The following PHLPP2 variants were observed in gnomAD, a reference collection of about 807,000 sequenced individuals.
The protein encoded by PHLPP2 is PH domain leucine-rich repeat-containing protein phosphatase 2.
Under a neutral mutation model 124.9 loss-of-function variants are expected in PHLPP2, and 66 were observed. That is an observed-to-expected ratio of 0.53 (90% CI 0.43 to 0.65). PHLPP2 has a LOEUF of 0.65. Among genes scored for constraint, PHLPP2 ranks in the 30% least tolerant of loss-of-function variants. PHLPP2 has a pLI of 0.00. For synonymous variants in PHLPP2, 681 were observed against 624.7 expected, an observed-to-expected ratio of 1.09 and a Z score of -1.34; for missense variants, 1,685 against 1,600.4, an observed-to-expected ratio of 1.05 and a Z score of -0.90.
At chr16:71,684,453 C>A in intron 5 of PHLPP2, 23 bp downstream of exon 5, 1 of 1,612,958 alleles carries the variant, frequency 6.2e-7, no homozygotes, top group Non-Finnish European at 8.5e-7. Context: ...ATCTCCACAT[C>A]AGAACATCCC....
In PHLPP2 at chr16:71,702,585, G is replaced by C. The variant is rs745519902; in HGVS notation, c.418+13C>G. ...AAAGTAGTTAACATACAAAGCCACT[G>C]ATAAATTCTTACCACCATAAAATCG... On this transcript the variant is annotated intron_variant, in intron 3 of 18. Transcript: ENST00000568954. 12 of 1,604,546 alleles carry C rather than the reference G, an allele frequency of 7.5e-6. No individual in the cohort carries two copies. The South Asian group carries it at 1.3e-4, about 18-fold the overall frequency.
chr16:71,684,279 C>G (rs2045031792), intron 5 of PHLPP2, among the ~76,000 whole-genome samples, 197 bp downstream of exon 5: 1 of 151,592 alleles, frequency 6.6e-6, no homozygotes, highest in African/African-American at 2.4e-5. Flanking sequence ...GTGCATGCCA[C>G]CACACCCAGC....
At chr16:71,714,067 C>G (rs989381584) in intron 2 of PHLPP2, among the ~76,000 whole-genome samples, 3 of 151,432 alleles carry the variant, frequency 2.0e-5, no homozygotes, top group Non-Finnish European at 4.4e-5. Context: ...AGCCTCCTGA[C>G]TAGCTGGGAT....
chr16:71,684,125 CTTTTTTTTT>C (rs397816254), intron 5 of PHLPP2, among the ~76,000 whole-genome samples: 1 of 118,842 alleles, frequency 8.4e-6, no homozygotes, highest in South Asian at 2.8e-4. Context: ...TTGAGGTACT[CTTTTTTTTT>C]TTTTTTTTTT....
At chr16:71,698,664 C>A in intron 3 of PHLPP2, 1 of 541,566 alleles carries the variant, frequency 1.8e-6, no homozygotes, top group East Asian at 4.0e-5. Flanking sequence ...ACTGGGCCTC[C>A]CTGAGGAAAG....
intron 14 of PHLPP2, 73 bp from the exon 15 acceptor site, chr16:71,658,436 T>C: frequency 7.2e-7 from 1 of 1,382,148 alleles, no homozygotes; most frequent in Non-Finnish European, 1.0e-6. Context: ...GTGTCCAATC[T>C]CTTACTATAT....
intron 2 of PHLPP2, among the ~76,000 whole-genome samples, chr16:71,704,992 C>T (rs2145371752): frequency 6.6e-6 from 1 of 152,262 alleles, no homozygotes; most frequent in East Asian, 1.9e-4. Context: ...TAACTCTGTA[C>T]TGCTCCAAAG....
intron 2 of PHLPP2, among the ~76,000 whole-genome samples, chr16:71,703,758 AC>A (rs1263599082): frequency 6.6e-6 from 1 of 152,146 alleles, no homozygotes; most frequent in African/African-American, 2.4e-5. Flanking sequence ...ACAATACCTA[AC>A]TCATAAGATG....
At chr16:71,713,769 C>A (rs968303661) in intron 2 of PHLPP2, among the ~76,000 whole-genome samples, 1 of 151,924 alleles carries the variant, frequency 6.6e-6, no homozygotes, top group African/African-American at 2.4e-5. Flanking sequence ...CGCATGGGCA[C>A]ATATATGCTT....
At chr16:71,687,403 T>C (rs1306279823) in intron 4 of PHLPP2, among the ~76,000 whole-genome samples, 1 of 152,232 alleles carries the variant, frequency 6.6e-6, no homozygotes, top group Non-Finnish European at 1.5e-5. Context: ...GATGAGTATA[T>C]ATTCTTTCAT....
Position 71,649,380 on chromosome 16 carries a change from T to C in PHLPP2, c.3482A>G (p.Asn1161Ser). The change falls in exon 19 of 19, where the codon AAT becomes AGT. Residue 1161 changes from asparagine (N) to serine (S), a missense_variant. Physicochemically the swap from Asn to Ser is conservative, Grantham distance 46. Transcript: ENST00000568954. ...DDQPVEGVIT[N>S]GSKVEVEVDI... ...TACTTCCACCTCTACCTTGCTGCCATTGGTTATGACCCCCTCAACGGGCTG... is the reference window on the plus strand; with the variant it reads ...TACTTCCACCTCTACCTTGCTGCCACTGGTTATGACCCCCTCAACGGGCTG... 1.2e-6 allele frequency: 2 copies of C among 1,613,914 alleles called. No homozygotes were observed. Among genetic ancestry groups the C allele is most frequent in the Non-Finnish European group, 1.7e-6 (2 of 1,179,820 alleles).
intron 10 of PHLPP2, among the ~76,000 whole-genome samples, chr16:71,670,312 C>T (rs1379123969): frequency 6.6e-6 from 1 of 152,006 alleles, no homozygotes; most frequent in Non-Finnish European, 1.5e-5. Flanking sequence ...AGACCAAGGA[C>T]AGAACCTTGG....
intron 3 of PHLPP2, among the ~76,000 whole-genome samples, chr16:71,698,072 C>T (rs2045192235): frequency 2.0e-5 from 3 of 152,062 alleles, no homozygotes; most frequent in Admixed American, 2.0e-4. Flanking sequence ...TGGTCTCAAT[C>T]TCCTGACCTC....
rs746401144 is a variant in PHLPP2 at position 71,723,878 on chromosome 16, G to A, written c.-7+451C>T. ...CTCCACCTCCCCCATCGGCGACCCA[G>A]GATTCACAGAGACGCCCGGCCCGCG... On this transcript the variant is annotated intron_variant, in intron 1 of 18. Transcript: ENST00000568954. The A allele has an allele frequency of 7.3e-5, 82 of 1,125,710 alleles. 2 individuals carry two copies. The South Asian group carries it at 2.6e-3, about 35-fold the overall frequency. The allele number at this position is 1,125,710 out of a possible 1,614,324, so 69.7% of individuals were successfully genotyped here. A position where few individuals can be genotyped will look rare whatever the true frequency, so the allele number is the denominator to read the frequency against.
chr16:71,714,933 C>T, intron 1 of PHLPP2, 132 bp from the exon 2 acceptor site: 1 of 1,079,464 alleles, frequency 9.3e-7, no homozygotes, highest in Non-Finnish European at 1.3e-6. Flanking sequence ...TTTTGTGGAG[C>T]ACTTCACATC....
At chr16:71,671,511 T>A (rs572385428) in intron 10 of PHLPP2, among the ~76,000 whole-genome samples, 18 of 152,176 alleles carry the variant, frequency 1.2e-4, no homozygotes, top group African/African-American at 3.1e-4. Flanking sequence ...TGCCCAACAG[T>A]GGTTATAAAT....
chr16:71,670,615 G>A (rs968246907), intron 10 of PHLPP2, among the ~76,000 whole-genome samples: 1 of 151,254 alleles, frequency 6.6e-6, no homozygotes, highest in African/African-American at 2.4e-5. Context: ...AAAATAGTTA[G>A]GGGGATTGTG....
At chr16:71,671,968 T>C (rs1267443955) in intron 10 of PHLPP2, among the ~76,000 whole-genome samples, 47 of 152,152 alleles carry the variant, frequency 3.1e-4, no homozygotes, top group African/African-American at 9.7e-5. Flanking sequence ...TGATTCCAAC[T>C]GACAAAACGG....
chr16:71,684,316 G>A (rs145715611), intron 5 of PHLPP2, among the ~76,000 whole-genome samples, 160 bp downstream of exon 5: 64 of 151,672 alleles, frequency 4.2e-4, no homozygotes, highest in Non-Finnish European at 6.8e-4. Context: ...AGTAGAGACA[G>A]GGTTTCACCA....
Sources: gnomAD v4.1 joint callset for allele counts (sites outside exome capture counted in the v4.1 genomes callset) on GRCh38, gnomAD v4.1.1 for gene constraint, MANE v1.5 for transcripts, NCBI Gene and HGNC (gene_info 2026-07-23, HGNC 2026-07-21) for gene names.